Variants in GCNT2 observed in about 807,000 individuals in gnomAD.
GCNT2 encodes N-acetyllactosaminide beta-1,6-N-acetylglucosaminyl-transferase.
In GCNT2, 34 loss-of-function variants were observed where a neutral mutation model predicts 34.2. The observed-to-expected ratio is 1.00, with a 90% CI of 0.76 to 1.32. The LOEUF is 1.32. Among genes scored for constraint, GCNT2 ranks in the 40% most tolerant of loss-of-function variants. The probability of loss-of-function intolerance (pLI) is 0.00; values close to 1 mark genes in which losing one functional copy is unlikely to be tolerated. For missense variants in GCNT2, 584 were observed against 489.4 expected (o/e 1.19, Z -1.82); for synonymous variants, 212 against 188.0 (o/e 1.13, Z -1.04).
chr6:10,569,051 G>C (rs1763410129), intron 3 of GCNT2, among the ~76,000 whole-genome samples: 1 of 151,970 alleles, frequency 6.6e-6, no homozygotes, highest in Non-Finnish European at 1.5e-5. Context: ...AGACTATAAT[G>C]TCTTTGAGGT....
At chr6:10,538,408 CAAAAAAAAAA>C (rs70991023) in intron 3 of GCNT2, among the ~76,000 whole-genome samples, 3 of 40,188 alleles carry the variant, frequency 7.5e-5, no homozygotes, top group Non-Finnish European at 1.3e-4. Flanking sequence ...GACTCCGTCT[CAAAAAAAAAA>C]AAAAAAAAAA....
intron 3 of GCNT2, among the ~76,000 whole-genome samples, chr6:10,547,285 G>A (rs931548646): frequency 6.6e-6 from 1 of 152,188 alleles, no homozygotes; most frequent in African/African-American, 2.4e-5. Flanking sequence ...CAAGTGATAA[G>A]TAGCATTACT....
chr6:10,561,648 G>C (rs574442765), intron 3 of GCNT2, among the ~76,000 whole-genome samples: 2 of 152,328 alleles, frequency 1.3e-5, no homozygotes, highest in Admixed American at 6.5e-5. Flanking sequence ...CTAAGGAACA[G>C]AGCTACCCCA....
At chr6:10,563,766 AAAAAAAAAAAAATATATAT>A (rs1763135398) in intron 3 of GCNT2, among the ~76,000 whole-genome samples, 3 of 69,838 alleles carry the variant, frequency 4.3e-5, no homozygotes, top group African/African-American at 1.9e-4. Context: ...GAAAAAAAAA[AAAAAAAAAAAAATATATAT>A]ATATATATAT....
At chr6:10,573,058 A>G in intron 3 of GCNT2, 1 of 320,686 alleles carries the variant, frequency 3.1e-6, no homozygotes, top group Non-Finnish European at 4.5e-6. Flanking sequence ...TAATAAGGCT[A>G]TTAAAATTAG....
rs34015959 is a variant in GCNT2 at position 10,614,625 on chromosome 6, C to CAAA, written c.926-6708_926-6706dup. 9.6e-3 allele frequency among the ~76,000 whole-genome samples: 1,014 copies of CAAA among 105,862 alleles called. 17 individuals are homozygous for CAAA. Among genetic ancestry groups the CAAA allele is most frequent in the African/African-American group, 0.045 (955 of 21,440 alleles). 69.4% of individuals were successfully genotyped at this position (105,862 alleles called of 152,430 possible). On this transcript the variant is annotated intron_variant, in intron 3 of 4. Coordinates refer to ENST00000495262, the MANE Select transcript of GCNT2 (RefSeq NM_145649.5). Reference sequence around the variant, plus strand: ...TGGGCAACAGAGCAAGACTCTGTCTCAAAAAAAAAAAAAAAAAAAAGAGAA... The same window carrying CAAA: ...TGGGCAACAGAGCAAGACTCTGTCTCAAAAAAAAAAAAAAAAAAAAAAAGAGAA...
In GCNT2 at chr6:10,529,156, A is replaced by G; in HGVS notation, c.245A>G (p.His82Arg). ...ATCYEYMVRS[H>R]YVTETLSEEE... ...TGCTATGAGTACATGGTTCGAAGCC[A>G]CTATGTAACAGAAACACTCTCTGAA... Residue 82 changes from histidine to arginine, a missense_variant, in exon 3 of 5, where the codon CAC becomes CGC. Physicochemically the swap from His to Arg is conservative, Grantham distance 29. Transcript: ENST00000495262. 12 of 1,614,152 alleles carry G rather than the reference A, an allele frequency of 7.4e-6. No homozygotes were observed. Among genetic ancestry groups the G allele is most frequent in the Non-Finnish European group, 9.3e-6 (11 of 1,179,984 alleles).
intron 3 of GCNT2, among the ~76,000 whole-genome samples, chr6:10,566,258 C>T (rs7768043): frequency 0.21 from 32,606 of 151,664 alleles, 4,564 homozygotes; most frequent in African/African-American, 0.4. Flanking sequence ...TCTGGACTCC[C>T]GTACAACGTT....
chr6:10,550,165 T>C (rs1322395621), intron 3 of GCNT2, among the ~76,000 whole-genome samples: 2 of 152,106 alleles, frequency 1.3e-5, no homozygotes, highest in African/African-American at 2.4e-5. Context: ...GTAATTCTTC[T>C]GTCTCAGCCT....
intron 3 of GCNT2, among the ~76,000 whole-genome samples, chr6:10,602,958 A>G (rs1260832898): frequency 6.6e-6 from 1 of 152,192 alleles, no homozygotes; most frequent in Non-Finnish European, 1.5e-5. Context: ...CTTTTATTTG[A>G]AAGAGTCAGT....
At chr6:10,524,017 C>G (rs918105368) in intron 1 of GCNT2, among the ~76,000 whole-genome samples, 2 of 147,760 alleles carry the variant, frequency 1.4e-5, no homozygotes. Flanking sequence ...GTGTGGTGAT[C>G]TGGCTAGGAA....
At chr6:10,575,692 C>T (rs965044743) in intron 3 of GCNT2, among the ~76,000 whole-genome samples, 3 of 152,120 alleles carry the variant, frequency 2.0e-5, no homozygotes, top group Non-Finnish European at 2.9e-5. Context: ...TGACATTCCA[C>T]CACAAAAGAA....
chr6:10,578,445 C>CTTTTTTTT (rs1211582798), intron 3 of GCNT2, among the ~76,000 whole-genome samples: 10 of 103,948 alleles, frequency 9.6e-5, no homozygotes, highest in East Asian at 2.6e-4. Flanking sequence ...AGCTTACATT[C>CTTTTTTTT]TTTTTTTTTT....
chr6:10,544,969 TAAATA>T (rs1450508493), intron 3 of GCNT2, among the ~76,000 whole-genome samples: 1 of 151,698 alleles, frequency 6.6e-6, no homozygotes, highest in Non-Finnish European at 1.5e-5. Flanking sequence ...AATAAATAAA[TAAATA>T]AATAAATGAG....
chr6:10,525,593 T>G (rs942942843), intron 1 of GCNT2, among the ~76,000 whole-genome samples: 1 of 152,150 alleles, frequency 6.6e-6, no homozygotes, highest in Non-Finnish European at 1.5e-5. Flanking sequence ...CAAAATAAAA[T>G]GCACCAGCTG....
intron 1 of GCNT2, among the ~76,000 whole-genome samples, chr6:10,524,696 G>T (rs1761104524): frequency 6.6e-6 from 1 of 152,028 alleles, no homozygotes; most frequent in Admixed American, 6.6e-5. Context: ...AGGCATGGTG[G>T]TGCATACCTG....
intron 3 of GCNT2, chr6:10,574,817 C>T: frequency 1.6e-6 from 1 of 639,334 alleles, no homozygotes; most frequent in South Asian, 1.4e-5. Flanking sequence ...ATAAAGTGTG[C>T]TACTCTGGGT....
chr6:10,546,477 T>C (rs1329378526), intron 3 of GCNT2, among the ~76,000 whole-genome samples: 2 of 152,012 alleles, frequency 1.3e-5, no homozygotes, highest in Non-Finnish European at 2.9e-5. Context: ...GCCAATATGG[T>C]GAAACCCTGT....
At chr6:10,548,083 A>G (rs149679689) in intron 3 of GCNT2, among the ~76,000 whole-genome samples, 164 of 152,224 alleles carry the variant, frequency 1.1e-3, no homozygotes, top group African/African-American at 3.9e-3. Context: ...CCCTGGTTCT[A>G]CTGAATAGAG....
Sources: allele counts gnomAD v4.1 joint callset (sites outside exome capture counted in the v4.1 genomes callset), GRCh38; gene constraint gnomAD v4.1.1; transcripts MANE v1.5; gene names NCBI Gene and HGNC (gene_info 2026-07-23, HGNC 2026-07-21).